IKZF2: variants seen among roughly 807,000 people sequenced by gnomAD.
IKZF2 encodes zinc finger protein Helios.
A neutral mutation model predicts 49.2 loss-of-function variants in IKZF2; 15 were observed. The observed-to-expected ratio is 0.30, with a 90% CI of 0.20 to 0.47. IKZF2 has a LOEUF of 0.47. Among genes scored for constraint, IKZF2 ranks in the 20% least tolerant of loss-of-function variants. The pLI is 1.00. For synonymous variants in IKZF2, 227 were observed against 221.4 expected, an observed-to-expected ratio of 1.03 and a Z score of -0.23; for missense variants, 567 against 664.6, an observed-to-expected ratio of 0.85 and a Z score of 1.61.
chr2:213,019,014 C>T (rs1028439988), intron 7 of IKZF2, among the ~76,000 whole-genome samples: 3 of 151,992 alleles, frequency 2.0e-5, no homozygotes, highest in Non-Finnish European at 4.4e-5. Flanking sequence ...TCCTACCAGA[C>T]TATAAAGTAA....
intron 5 of IKZF2, among the ~76,000 whole-genome samples, chr2:213,055,273 C>T (rs559811997): frequency 1.3e-5 from 2 of 151,794 alleles, no homozygotes; most frequent in African/African-American, 4.8e-5. Context: ...TTAGAACTGT[C>T]GTTAGAATTA....
chr2:213,119,872 A>G (rs1027073606), intron 4 of IKZF2, among the ~76,000 whole-genome samples: 21 of 152,242 alleles, frequency 1.4e-4, no homozygotes, highest in Non-Finnish European at 1.5e-5. Flanking sequence ...GTCAGTAAGT[A>G]CCTGGCAAAG....
chr2:213,024,804 T>C (rs530427373), intron 6 of IKZF2, among the ~76,000 whole-genome samples: 4 of 152,226 alleles, frequency 2.6e-5, no homozygotes, highest in African/African-American at 9.6e-5. Context: ...CCATTTTCTA[T>C]CCATTTCATA....
intron 8 of IKZF2, 40 bp downstream of exon 8, chr2:213,013,751 C>T: frequency 4.4e-6 from 7 of 1,574,140 alleles, no homozygotes; most frequent in Non-Finnish European, 6.0e-6. Context: ...TTCCTATTAA[C>T]ATCACCTTGC....
Position 213,098,843 on chromosome 2 carries a change from T to G in IKZF2, c.140-41744A>C, listed in dbSNP as rs1706313878. ...GCTGACGTGACCTCAGTTGTCATTC[T>G]GCTGGAGCTAGATCCAACTAACAAA... On this transcript the variant is annotated intron_variant, in intron 4 of 8. Transcript: ENST00000434687. 2.0e-5 allele frequency among the ~76,000 whole-genome samples: 3 copies of G among 152,294 alleles called. No homozygotes were observed. The South Asian group carries it at 6.2e-4, about 32-fold the overall frequency.
In IKZF2 at chr2:213,150,135, T is replaced by C. The variant is rs1301533776; in HGVS notation, c.-16+9A>G. On this transcript the variant is annotated intron_variant, in intron 2 of 8. Coordinates refer to ENST00000434687, the MANE Select transcript of IKZF2 (RefSeq NM_001387220.1). ...AGAAAAAGGAGAAAGAGAAACGAAA[T>C]GTACATACAAAAGAAATTGTCCTTT... The C allele has an allele frequency of 1.6e-6, 2 of 1,288,756 alleles. No individual in the cohort carries two copies. The highest frequency in any genetic ancestry group is 2.1e-6 in the Non-Finnish European group (2 of 975,234). The allele number at this position is 1,288,756 out of a possible 1,614,324, so 79.8% of individuals were successfully genotyped here. A position where few individuals can be genotyped will look rare whatever the true frequency, so the allele number is the denominator to read the frequency against.
At chr2:213,062,552 A>G (rs1297175754) in intron 4 of IKZF2, among the ~76,000 whole-genome samples, 2 of 151,828 alleles carry the variant, frequency 1.3e-5, no homozygotes, top group Non-Finnish European at 2.9e-5. Context: ...ACAGTGTGGA[A>G]CAGAAGATAG....
intron 5 of IKZF2, among the ~76,000 whole-genome samples, chr2:213,056,077 GA>G (rs879300744): frequency 6.6e-6 from 1 of 150,614 alleles, no homozygotes; most frequent in African/African-American, 2.4e-5. Flanking sequence ...TGCTTTTTAA[GA>G]AAAAAAAATT....
intron 8 of IKZF2, among the ~76,000 whole-genome samples, chr2:213,012,071 T>C (rs1216169829): frequency 6.6e-6 from 1 of 152,046 alleles, no homozygotes; most frequent in Non-Finnish European, 1.5e-5. Flanking sequence ...AGTATTTAAC[T>C]GAGGCACATG....
intron 4 of IKZF2, among the ~76,000 whole-genome samples, chr2:213,060,952 T>G (rs1701622591): frequency 6.6e-6 from 1 of 151,494 alleles, no homozygotes; most frequent in African/African-American, 2.4e-5. Context: ...TGCCACATAT[T>G]TTTCCAAACA....
At chr2:213,089,879 C>A (rs1012079843) in intron 4 of IKZF2, among the ~76,000 whole-genome samples, 3 of 152,110 alleles carry the variant, frequency 2.0e-5, no homozygotes, top group Non-Finnish European at 4.4e-5. Context: ...AATGATGGAA[C>A]TGAAATGAAA....
At chr2:213,016,478 A>G (rs1696617114) in intron 7 of IKZF2, among the ~76,000 whole-genome samples, 1 of 152,148 alleles carries the variant, frequency 6.6e-6, no homozygotes, top group Non-Finnish European at 1.5e-5. Flanking sequence ...TAATTATGTA[A>G]CCAATCTGAT....
At chr2:213,057,829 C>T (rs531549911) in intron 4 of IKZF2, among the ~76,000 whole-genome samples, 3 of 152,234 alleles carry the variant, frequency 2.0e-5, no homozygotes, top group East Asian at 3.9e-4. Flanking sequence ...CAGCTAATCA[C>T]AGTAATGGCA....
At chr2:213,042,437 C>A (rs184653166) in intron 6 of IKZF2, among the ~76,000 whole-genome samples, 5 of 152,182 alleles carry the variant, frequency 3.3e-5, no homozygotes, top group Non-Finnish European at 7.4e-5. Context: ...TTGGTACGTC[C>A]GAGTATACTT....
intron 5 of IKZF2, among the ~76,000 whole-genome samples, chr2:213,052,803 C>T (rs1700797616): frequency 6.6e-6 from 1 of 152,008 alleles, no homozygotes; most frequent in Non-Finnish European, 1.5e-5. Context: ...ATTAGCAACC[C>T]TTTTATTGAA....
At chr2:213,134,601 C>T (rs2060588988) in intron 4 of IKZF2, among the ~76,000 whole-genome samples, 1 of 152,156 alleles carries the variant, frequency 6.6e-6, no homozygotes, top group South Asian at 2.1e-4. Context: ...TAGAATCAAT[C>T]CCTTAGGACC....
intron 4 of IKZF2, among the ~76,000 whole-genome samples, chr2:213,143,107 A>G (rs761337387): frequency 2.0e-5 from 3 of 152,070 alleles, no homozygotes; most frequent in Non-Finnish European, 4.4e-5. Context: ...ATTTCCAAAT[A>G]TGATAAAAAT....
At chr2:213,149,397 C>G (rs1307787023) in intron 2 of IKZF2, among the ~76,000 whole-genome samples, 1 of 150,966 alleles carries the variant, frequency 6.6e-6, no homozygotes, top group Non-Finnish European at 1.5e-5. Flanking sequence ...ACAAACGCCA[C>G]ACAACAGAAC....
intron 4 of IKZF2, among the ~76,000 whole-genome samples, chr2:213,058,055 C>A (rs1701334323): frequency 6.6e-6 from 1 of 152,038 alleles, no homozygotes. Flanking sequence ...ATCAAAGTTA[C>A]TAAGCAAAAC....
Sources: allele counts gnomAD v4.1 joint callset (sites outside exome capture counted in the v4.1 genomes callset), GRCh38; gene constraint gnomAD v4.1.1; transcripts MANE v1.5; gene names NCBI Gene and HGNC (gene_info 2026-07-23, HGNC 2026-07-21).